The following ZFAND3 variants were observed in gnomAD, a reference collection of about 807,000 sequenced individuals.
ZFAND3 encodes the protein AN1-type zinc finger protein 3.
ZFAND3 carries 10 observed loss-of-function variants against 29.6 expected under a neutral mutation model. The observed-to-expected ratio is 0.34, with a 90% CI of 0.21 to 0.57. The LOEUF (loss-of-function observed/expected upper bound fraction) is 0.57. Ranked by LOEUF, ZFAND3 falls within the 20% of genes least tolerant of loss-of-function variation. The pLI, the probability that ZFAND3 is intolerant of heterozygous loss-of-function variation, is 0.86. For missense variants in ZFAND3, 230 were observed against 304.5 expected (o/e 0.76, Z 1.82); for synonymous variants, 128 against 112.6 (o/e 1.14, Z -0.87).
rs185032600 is a variant in ZFAND3, at chr6:38,045,526, T to C, written c.113-16067T>C. Among the ~76,000 whole-genome samples, 364 of 152,302 alleles carry C rather than the reference T, an allele frequency of 2.4e-3. 3 individuals are homozygous for C. Among genetic ancestry groups the C allele is most frequent in the African/African-American group, 7.8e-3 (326 of 41,566 alleles). Reference sequence around the variant, plus strand: ...TAATGCAGTTCATGTAAAATTTTGTTCCTAATTTGATATACATTTTTTCTA... The same window carrying C: ...TAATGCAGTTCATGTAAAATTTTGTCCCTAATTTGATATACATTTTTTCTA... On this transcript the variant is annotated intron_variant, in intron 2 of 5. Transcript: ENST00000287218.
At chr6:38,080,875 G>T (rs987680198) in intron 3 of ZFAND3, among the ~76,000 whole-genome samples, 6 of 152,086 alleles carry the variant, frequency 3.9e-5, no homozygotes, top group African/African-American at 1.4e-4. Flanking sequence ...TGAACCTCTG[G>T]AATTTTAGTC....
chr6:37,829,405 C>G (rs1269537665), intron 1 of ZFAND3, among the ~76,000 whole-genome samples: 1 of 151,998 alleles, frequency 6.6e-6, no homozygotes, highest in Non-Finnish European at 1.5e-5. Context: ...GCTTAATGGC[C>G]TGCGCCTGTA....
rs188135752 is a variant in ZFAND3, at chr6:38,048,683, A to G, written c.113-12910A>G. ...CAGCTGCATTATCTGCCATCCTCAC[A>G]ACAATCCTACACAGGTTTTAACGTT... On this transcript the variant is annotated intron_variant, in intron 2 of 5. Transcript: ENST00000287218. Among the ~76,000 whole-genome samples the G allele has an allele frequency of 2.5e-4, 38 of 151,380 alleles. 1 individual carries two copies. The highest frequency in any genetic ancestry group is 9.2e-4 in the African/African-American group (38 of 41,338).
At chr6:38,083,889 A>G (rs1764711457) in intron 4 of ZFAND3, among the ~76,000 whole-genome samples, 1 of 152,150 alleles carries the variant, frequency 6.6e-6, no homozygotes, top group African/African-American at 2.4e-5. Flanking sequence ...TAAAACTAAT[A>G]ATGATATTTA....
rs1308242409 is a variant in ZFAND3 at position 38,152,828 on chromosome 6, C to A, written c.*439C>A. On this transcript the variant is annotated 3_prime_UTR_variant, in exon 6 of 6. Transcript: ENST00000287218. ...TTTAATGATCGGCCTTTCACCTCTT[C>A]ACTTATCCTTAGTCCCAGTAGCCAG... 3 of 986,444 alleles carry A rather than the reference C, an allele frequency of 3.0e-6. No individual in the cohort carries two copies. The highest frequency in any genetic ancestry group is 5.2e-4 in the Middle Eastern group (1 of 1,938). The allele number at this position is 986,444 out of a possible 1,614,324, so 61.1% of individuals were successfully genotyped here.
chr6:37,845,702 A>T (rs1435678752), intron 1 of ZFAND3, among the ~76,000 whole-genome samples: 1 of 152,178 alleles, frequency 6.6e-6, no homozygotes, highest in Non-Finnish European at 1.5e-5. Flanking sequence ...GCTAGGCTGG[A>T]CTTGTCCCTT....
intron 1 of ZFAND3, among the ~76,000 whole-genome samples, chr6:37,832,154 C>T (rs1217954138): frequency 2.6e-5 from 4 of 152,006 alleles, no homozygotes; most frequent in African/African-American, 9.7e-5. Flanking sequence ...AGCCTGTGGA[C>T]CCTAGATAAA....
At chr6:37,974,924 T>C (rs1762454559) in intron 2 of ZFAND3, among the ~76,000 whole-genome samples, 1 of 152,192 alleles carries the variant, frequency 6.6e-6, no homozygotes, top group South Asian at 2.1e-4. Context: ...GGTAGGAATA[T>C]AGATGTGTGC....
At chr6:38,107,405 A>G (rs535990440) in intron 4 of ZFAND3, among the ~76,000 whole-genome samples, 35 of 152,350 alleles carry the variant, frequency 2.3e-4, no homozygotes, top group African/African-American at 7.2e-4. Flanking sequence ...AACTGGGTTG[A>G]TTACACAGTA....
chr6:37,839,745 C>CCT (rs1241566637), intron 1 of ZFAND3, among the ~76,000 whole-genome samples: 5 of 150,484 alleles, frequency 3.3e-5, no homozygotes, highest in Admixed American at 6.6e-5. Flanking sequence ...GATCTCTTGA[C>CCT]CTCGTGATCC....
In ZFAND3 at chr6:38,008,000, G is replaced by A. The variant is rs9380712; in HGVS notation, c.113-53593G>A. On this transcript the variant is annotated intron_variant, in intron 2 of 5. Coordinates refer to ENST00000287218, the MANE Select transcript of ZFAND3 (RefSeq NM_021943.3). ...CACTTGGGAGCTGCTGGAAATACAG[G>A]CCTCACCCCAGACCTGCTGGATCAG... 1.5e-4 allele frequency among the ~76,000 whole-genome samples: 23 copies of A among 152,296 alleles called. No homozygotes were observed. In the East Asian group the frequency reaches 4.0e-3, roughly 27 times the overall value.
chr6:37,826,116 T>C (rs1173391643), intron 1 of ZFAND3, among the ~76,000 whole-genome samples: 2 of 152,218 alleles, frequency 1.3e-5, no homozygotes, highest in Non-Finnish European at 2.9e-5. Flanking sequence ...GAAATTCTTT[T>C]CTGTTTTTGA....
At chr6:38,082,013 A>G (rs144961080) in intron 3 of ZFAND3, among the ~76,000 whole-genome samples, 5 of 152,196 alleles carry the variant, frequency 3.3e-5, no homozygotes, top group African/African-American at 1.2e-4. Flanking sequence ...CCTAAGAGAG[A>G]GTACTCTTGC....
intron 1 of ZFAND3, among the ~76,000 whole-genome samples, chr6:37,916,317 T>G (rs1761253381): frequency 6.6e-6 from 1 of 152,066 alleles, no homozygotes; most frequent in Non-Finnish European, 1.5e-5. Context: ...ACCCTCAACT[T>G]GTAAAAAGTA....
At chr6:37,923,693 T>A (rs1425776072) in intron 1 of ZFAND3, among the ~76,000 whole-genome samples, 1 of 152,232 alleles carries the variant, frequency 6.6e-6, no homozygotes, top group African/African-American at 2.4e-5. Context: ...ACTGTGTTGC[T>A]CTAACACTAC....
intron 2 of ZFAND3, among the ~76,000 whole-genome samples, chr6:38,055,557 T>G (rs1050247798): frequency 4.6e-5 from 7 of 152,196 alleles, no homozygotes; most frequent in Non-Finnish European, 8.8e-5. Flanking sequence ...GCAGAGTGCT[T>G]GACTCACAGG....
chr6:37,930,558 C>G (rs1354097911), intron 2 of ZFAND3, among the ~76,000 whole-genome samples: 2 of 152,074 alleles, frequency 1.3e-5, no homozygotes, highest in Non-Finnish European at 2.9e-5. Flanking sequence ...CTGCAGATCC[C>G]TCATTCAAAT....
intron 2 of ZFAND3, among the ~76,000 whole-genome samples, chr6:37,945,267 C>A (rs1743368489): frequency 6.6e-6 from 1 of 152,188 alleles, no homozygotes. Flanking sequence ...CTGGAATTTT[C>A]TTTTCCCCTT....
chr6:38,064,666 C>CTT (rs35827782), intron 3 of ZFAND3, among the ~76,000 whole-genome samples: 30 of 115,928 alleles, frequency 2.6e-4, no homozygotes, highest in Admixed American at 5.3e-4. Context: ...CTGCTATGGG[C>CTT]TTTTTTTTTT....
Sources: allele counts gnomAD v4.1 joint callset (sites outside exome capture counted in the v4.1 genomes callset), GRCh38; gene constraint gnomAD v4.1.1; transcripts MANE v1.5; gene names NCBI Gene and HGNC (gene_info 2026-07-23, HGNC 2026-07-21).